Variants in INPPL1 observed in about 807,000 individuals in gnomAD.
INPPL1 encodes inositol polyphosphate phosphatase like 1, also known as phosphatidylinositol 3,4,5-trisphosphate 5-phosphatase 2.
Under a neutral mutation model 139.3 loss-of-function variants are expected in INPPL1, and 91 were observed. That is an observed-to-expected ratio of 0.65 (90% CI 0.55 to 0.78). The LOEUF is 0.78. INPPL1 is among the 30% of genes least tolerant of loss of function. INPPL1 has a pLI of 0.00. For synonymous variants in INPPL1, 719 were observed against 686.6 expected (o/e 1.05, Z -0.74); for missense variants, 1,411 against 1,665.6 (o/e 0.85, Z 2.66).
At position 72,228,810 on chromosome 11, in the gene INPPL1, C is replaced by T. The variant is rs368460863; in HGVS notation, c.481C>T (p.Pro161Ser). The change falls in exon 4 of 28, where the codon CCA becomes TCA. Residue 161 changes from proline to serine, a missense_variant. Around this residue, in one of 5 missense-constraint regions of INPPL1, gnomAD observed 504 missense variants for 595.6 expected, o/e 0.85. Coordinates refer to ENST00000298229, the MANE Select transcript of INPPL1 (RefSeq NM_001567.4). This position sits in a 1 kb window ranked among gnomAD's most constrained non-coding sequence, Gnocchi z 5.0. ...SAPTGPSSPL[P>S]APETPTAPAA... ...CCCCACTGGGCCCAGCAGTCCCCTG[C>T]CAGCTCCTGAGACTCCCACAGCTCC... 2 of 1,612,666 alleles carry T rather than the reference C, an allele frequency of 1.2e-6. No individual in the cohort carries two copies. Among genetic ancestry groups the T allele is most frequent in the East Asian group, 4.5e-5 (2 of 44,870 alleles).
At position 72,231,423 on chromosome 11, in the gene INPPL1, G is replaced by A. The variant is rs898135712; in HGVS notation, c.1498-75G>A. The A allele has an allele frequency of 1.9e-5, 23 of 1,216,160 alleles. No homozygotes were observed. In the African/African-American group the frequency reaches 2.5e-4, roughly 13 times the overall value. The allele number at this position is 1,216,160 out of a possible 1,614,324, so 75.3% of individuals were successfully genotyped here. A position where few individuals can be genotyped will look rare whatever the true frequency, so the allele number is the denominator to read the frequency against. On this transcript the variant is annotated intron_variant, in intron 12 of 27. Coordinates refer to ENST00000298229, the MANE Select transcript of INPPL1 (RefSeq NM_001567.4). ...TTCCTACCCTGTGATGGACACAAAA[G>A]TCTATTTATAGTGCAGGGGGAAATG...
At position 72,228,587 on chromosome 11, in the gene INPPL1, C is replaced by A; in HGVS notation, c.397+89C>A. ...TCCCCCCTTCTCAACCCCACCTCTC[C>A]TGTAACCCCCTTTCCCTTGGCCATG... is the stretch of plus-strand genomic sequence containing the variant. On this transcript the variant is annotated intron_variant, in intron 3 of 27. Transcript: ENST00000298229. The surrounding 1 kb of genome is among the most constrained non-coding windows in gnomAD (Gnocchi z 5.0). 1 of 1,554,542 alleles carries A rather than the reference C, an allele frequency of 6.4e-7. No homozygotes were observed. The highest frequency in any genetic ancestry group is 8.7e-7 in the Non-Finnish European group (1 of 1,145,708).
chr11:72,238,368 C>T lies in INPPL1; in HGVS notation c.*15C>T. Reference sequence around the variant, plus strand: ...TCAGCAAGTGATAGCGGAGGCACCACGAAGCTGTGAACTCAGAGCCCCTCC... The same window carrying T: ...TCAGCAAGTGATAGCGGAGGCACCATGAAGCTGTGAACTCAGAGCCCCTCC... On this transcript the variant is annotated 3_prime_UTR_variant, in exon 28 of 28. Transcript: ENST00000298229. 6.6e-7 allele frequency: 1 copy of T among 1,523,854 alleles called. No individual in the cohort carries two copies. The highest frequency in any genetic ancestry group is 2.3e-5 in the East Asian group (1 of 42,736). The allele number at this position is 1,523,854 out of a possible 1,614,324, so 94.4% of individuals were successfully genotyped here.
chr11:72,235,043 A>G lies in INPPL1; in HGVS notation c.2416-73A>G. Reference sequence around the variant, plus strand: ...CTGAGGGTGGGGATTGAGTGGTGTCAGGGGGCAGCGCGTAGGAGGGGCAGG... The same window carrying G: ...CTGAGGGTGGGGATTGAGTGGTGTCGGGGGGCAGCGCGTAGGAGGGGCAGG... On this transcript the variant is annotated intron_variant, in intron 21 of 27. Coordinates refer to ENST00000298229, the MANE Select transcript of INPPL1 (RefSeq NM_001567.4). The surrounding 1 kb of genome is among the most constrained non-coding windows in gnomAD (Gnocchi z 4.9). 1 of 1,250,854 alleles carries G rather than the reference A, an allele frequency of 8.0e-7. No homozygotes were observed. Among genetic ancestry groups the G allele is most frequent in the Non-Finnish European group, 1.2e-6 (1 of 867,726 alleles). The allele number at this position is 1,250,854 out of a possible 1,614,324, so 77.5% of individuals were successfully genotyped here.
rs773828819 is a variant in INPPL1 at position 72,235,861 on chromosome 11, G to A, written c.2754G>A (p.Lys918=). 1.9e-6 allele frequency: 3 copies of A among 1,613,026 alleles called. No individual in the cohort carries two copies. The highest frequency in any genetic ancestry group is 8.5e-7 in the Non-Finnish European group (1 of 1,179,588). ...TCCCTGGCAGGTCAGGGAGCCGCAA[G>A]CCAGCCTTCACAGAGGCCTCCTGCC... ...GSQEPRSGSR[K]PAFTEASCPL... The change falls in exon 25 of 28, where the codon AAG becomes AAA. Residue 918 remains lysine (K), a synonymous_variant. Transcript: ENST00000298229. This position sits in a 1 kb window ranked among gnomAD's most constrained non-coding sequence, Gnocchi z 4.9.
chr11:72,237,417 T>G lies in INPPL1; in HGVS notation c.3173T>G (p.Leu1058Arg). The G allele has an allele frequency of 6.2e-7, 1 of 1,611,864 alleles. No individual in the cohort carries two copies. Among genetic ancestry groups the G allele is most frequent in the Non-Finnish European group, 8.5e-7 (1 of 1,178,520 alleles). The change falls in exon 26 of 28, where the codon CTG (leucine) becomes CGG (arginine). Residue 1058 changes from leucine to arginine, a missense_variant. This residue lies in a region of INPPL1 where 438 missense variants were observed against 425.7 expected (regional missense o/e 1.03). Coordinates refer to ENST00000298229, the MANE Select transcript of INPPL1 (RefSeq NM_001567.4). ...LPPPDFPPPP[L>R]PDSAIFLPPS... ...CCTCCAGACTTTCCACCTCCACCAC[T>G]GCCGGACTCAGCCATCTTCCTGCCC...
At chr11:72,225,467 C>G (rs1443957067) in intron 1 of INPPL1, 1 of 985,262 alleles carries the variant, frequency 1.0e-6, no homozygotes, top group Non-Finnish European at 1.2e-6. Context: ...CAGGCATCCT[C>G]CAGGTAGAAG....
Position 72,233,423 on chromosome 11 carries a change from T to C in INPPL1, c.2041-18T>C. 1 of 1,611,772 alleles carries C rather than the reference T, an allele frequency of 6.2e-7. No homozygotes were observed. The highest frequency in any genetic ancestry group is 8.5e-7 in the Non-Finnish European group (1 of 1,178,000). ...TCCTAGCTGTCAGCTCTAACCATGC[T>C]GCCATCCCCTGCCCCAGGTCCGGAC... On this transcript the variant is annotated intron_variant, in intron 17 of 27. Coordinates refer to ENST00000298229, the MANE Select transcript of INPPL1 (RefSeq NM_001567.4).
intron 25 of INPPL1, 126 bp from the exon 26 acceptor site, chr11:72,236,998 C>A: frequency 2.5e-6 from 2 of 786,288 alleles, no homozygotes; most frequent in Admixed American, 5.3e-5. Context: ...GTGATGTGCT[C>A]AAGGTCATGA....
rs1948971621 is a variant in INPPL1, at chr11:72,235,794, TG to T, written c.2738+46del. The stretch of plus-strand genomic sequence containing the variant: ...GTTGAATGTCATATGAAAGGGTACC[TG>T]GGGGCATCTGGTCAACCCCACTTCA... On this transcript the variant is annotated intron_variant, in intron 24 of 27. Transcript: ENST00000298229. The surrounding 1 kb of genome is among the most constrained non-coding windows in gnomAD (Gnocchi z 4.9). 2 of 1,613,618 alleles carry T rather than the reference TG, an allele frequency of 1.2e-6. No homozygotes were observed. Among genetic ancestry groups the T allele is most frequent in the Non-Finnish European group, 1.7e-6 (2 of 1,179,780 alleles).
rs756352122 is a variant in INPPL1, at chr11:72,237,482, C to G, written c.3238C>G (p.Arg1080Gly). Residue 1080 changes from arginine to glycine, a missense_variant, in exon 26 of 28, where the codon CGT becomes GGT. By Grantham distance (125) the Arg-to-Gly change is moderately radical. Around this residue, in one of 5 missense-constraint regions of INPPL1, gnomAD observed 438 missense variants for 425.7 expected, o/e 1.03. Transcript: ENST00000298229. ...DPLPGPVVRG[R>G]GGAEARGPPP... Reference sequence around the variant, plus strand: ...TTTACCAGGGCCAGTGGTCCGGGGCCGTGGTGGGGCTGAGGCCCGTGGCCC... The same window carrying G: ...TTTACCAGGGCCAGTGGTCCGGGGCGGTGGTGGGGCTGAGGCCCGTGGCCC... The G allele has an allele frequency of 6.2e-7, 1 of 1,609,890 alleles. No homozygotes were observed. The highest frequency in any genetic ancestry group is 8.5e-7 in the Non-Finnish European group (1 of 1,177,540).
In INPPL1 at chr11:72,230,440, G is replaced by T. The variant is rs762820798; in HGVS notation, c.1169G>T (p.Arg390Leu). ...GAGAAGGAGAAGGACCGGACTCAGC[G>T]CAAGGACTTCATCTTTGTCAGTGCC... Reference protein sequence around the residue: ...VFEKEKDRTQRKDFIFVSARK... With the variant: ...VFEKEKDRTQLKDFIFVSARK... Residue 390 changes from arginine (R) to leucine (L), a missense_variant, in exon 10 of 28, where the codon CGC (arginine) becomes CTC (leucine). Coordinates refer to ENST00000298229, the MANE Select transcript of INPPL1 (RefSeq NM_001567.4). 1.9e-6 allele frequency: 3 copies of T among 1,613,998 alleles called. No homozygotes were observed. The highest frequency in any genetic ancestry group is 2.5e-6 in the Non-Finnish European group (3 of 1,180,026).
Position 72,229,671 on chromosome 11 carries a change from A to G in INPPL1, c.762A>G (p.Pro254=), listed in dbSNP as rs747802572. The change falls in exon 7 of 28, where the codon CCA becomes CCG. Residue 254 remains proline (P), a synonymous_variant. Coordinates refer to ENST00000298229, the MANE Select transcript of INPPL1 (RefSeq NM_001567.4). ...VTRLLQQQNL[P]QTGEQELESL... ...GTTCTTCCTCCCCCCAGAACCTGCC[A>G]CAGACAGGGGAGCAGGAACTAGAGA... The G allele has an allele frequency of 7.4e-6, 12 of 1,613,930 alleles. No individual in the cohort carries two copies. Among genetic ancestry groups the G allele is most frequent in the Non-Finnish European group, 9.3e-6 (11 of 1,179,990 alleles).
chr11:72,232,246 A>G lies in INPPL1; in HGVS notation c.1622A>G (p.Lys541Arg). ...CTCTTGCTTGCCTTAACAGGGAACA[A>G]GGGGGCTGTGGGCGTCTCCTTCATG... ...KTGIANTLGN[K>R]GAVGVSFMFN... Residue 541 changes from lysine (K) to arginine (R), a missense_variant, in exon 14 of 28, where the codon AAG (lysine) becomes AGG (arginine). Transcript: ENST00000298229. 1 of 1,554,966 alleles carries G rather than the reference A, an allele frequency of 6.4e-7. No homozygotes were observed. The highest frequency in any genetic ancestry group is 8.7e-7 in the Non-Finnish European group (1 of 1,148,462).
intron 25 of INPPL1, among the ~76,000 whole-genome samples, chr11:72,236,383 G>A (rs1948990720): frequency 6.6e-6 from 1 of 152,214 alleles, no homozygotes; most frequent in African/African-American, 2.4e-5. Context: ...GGTCAAATGA[G>A]TTTGGGAAAT....
At chr11:72,229,869 C>A in intron 7 of INPPL1, 55 bp from the exon 8 acceptor site, 1 of 1,581,280 alleles carries the variant, frequency 6.3e-7, no homozygotes, top group Non-Finnish European at 8.7e-7. Flanking sequence ...TGTGTCCCTC[C>A]CTGCCCCAGC....
chr11:72,230,808 T>C lies in INPPL1; in HGVS notation c.1210T>C (p.Phe404Leu), dbSNP rs779725477. 109 of 1,613,842 alleles carry C rather than the reference T, an allele frequency of 6.8e-5. No individual in the cohort carries two copies. The highest frequency in any genetic ancestry group is 8.9e-5 in the Non-Finnish European group (105 of 1,179,970). The change falls in exon 11 of 28, where the codon TTC becomes CTC. Residue 404 changes from phenylalanine (F) to leucine (L), a missense_variant. By Grantham distance (22) the Phe-to-Leu change is conservative. Around this residue, in one of 5 missense-constraint regions of INPPL1, gnomAD observed 504 missense variants for 595.6 expected, o/e 0.85. Transcript: ENST00000298229. Reference protein sequence around the residue: ...IFVSARKREAFCQLLQLMKNK... With the variant: ...IFVSARKREALCQLLQLMKNK... Reference sequence around the variant, plus strand: ...GCTGTTCCCCCAGAAGCGGGAGGCCTTCTGCCAGCTGTTGCAGCTCATGAA... The same window carrying C: ...GCTGTTCCCCCAGAAGCGGGAGGCCCTCTGCCAGCTGTTGCAGCTCATGAA...
rs1400415285 is a variant in INPPL1, at chr11:72,225,183, CTCCTT to C, written c.182+18_182+22del. ...CTGCGTCCTGTGAGTGGGGCGGGGG[CTCCTT>C]GCGGGCTGGCGTGGACCGGGAGCGC... On this transcript the variant is annotated intron_variant, in intron 1 of 27. Coordinates refer to ENST00000298229, the MANE Select transcript of INPPL1 (RefSeq NM_001567.4). 3 of 948,680 alleles carry C rather than the reference CTCCTT, an allele frequency of 3.2e-6. No individual in the cohort carries two copies. Among genetic ancestry groups the C allele is most frequent in the Admixed American group, 5.0e-5 (1 of 20,076 alleles). 58.8% of individuals were successfully genotyped at this position (948,680 alleles called of 1,614,324 possible). A position where few individuals can be genotyped will look rare whatever the true frequency, so the allele number is the denominator to read the frequency against.
At chr11:72,231,724 T>A in intron 13 of INPPL1, 109 bp downstream of exon 13, 1 of 772,498 alleles carries the variant, frequency 1.3e-6, no homozygotes, top group East Asian at 2.4e-5. Context: ...AGTTTCCCCA[T>A]ATATAGGGTA....
Sources: gnomAD v4.1 joint callset for allele counts (sites outside exome capture counted in the v4.1 genomes callset) on GRCh38, gnomAD v4.1.1 for gene constraint, gnomAD v4.1.1 regional missense constraint, Gnocchi (gnomAD v3.1) non-coding constraint, MANE v1.5 for transcripts, NCBI Gene and HGNC (gene_info 2026-07-23, HGNC 2026-07-21) for gene names.